FBLN7: variants seen among roughly 807,000 people sequenced by gnomAD.
The protein encoded by FBLN7 is fibulin-7.
A neutral mutation model predicts 44.0 loss-of-function variants in FBLN7; 31 were observed. That is an observed-to-expected ratio of 0.70 (90% CI 0.53 to 0.95). The LOEUF (loss-of-function observed/expected upper bound fraction) is 0.95, where lower values mean the gene tolerates loss of function less well. Among genes scored for constraint, FBLN7 ranks in the 40% least tolerant of loss-of-function variants. The pLI, the probability that FBLN7 is intolerant of heterozygous loss-of-function variation, is 0.00. For synonymous variants in FBLN7, 262 were observed against 253.4 expected (o/e 1.03, Z -0.32); for missense variants, 573 against 618.5 (o/e 0.93, Z 0.78).
chr2:112,166,242 G>C (rs1682151849), intron 3 of FBLN7, among the ~76,000 whole-genome samples: 1 of 152,174 alleles, frequency 6.6e-6, no homozygotes, highest in African/African-American at 2.4e-5. Flanking sequence ...GTAGAAAAGG[G>C]ATTTCACCAT....
Position 112,187,248 on chromosome 2 carries a change from C to T in FBLN7, c.1062C>T (p.Leu354=). 6.2e-7 allele frequency: 1 copy of T among 1,614,238 alleles called. No individual in the cohort carries two copies. Among genetic ancestry groups the T allele is most frequent in the Non-Finnish European group, 8.5e-7 (1 of 1,180,046 alleles). The change falls in exon 8 of 8, where the codon CTC becomes CTT. Residue 354 remains leucine, a synonymous_variant. Transcript: ENST00000331203. The surrounding 1 kb of genome is among the most constrained non-coding windows in gnomAD (Gnocchi z 5.1). ...LPSNLKTPIT[L]FRMATASAPG... ...CCAACCTGAAGACGCCCATCACGCTCTTCCGCATGGCCACAGCCTCTGCCC... is the reference window on the plus strand; with the variant it reads ...CCAACCTGAAGACGCCCATCACGCTTTTCCGCATGGCCACAGCCTCTGCCC...
the FBLN7 span, among the ~76,000 whole-genome samples, chr2:112,222,388 G>T: frequency 6.6e-6 from 1 of 152,124 alleles, no homozygotes; most frequent in Admixed American, 6.6e-5. Flanking sequence ...TACAAGAGGT[G>T]GGGGGAGGGT....
chr2:112,237,436 TTATC>T, the FBLN7 span, among the ~76,000 whole-genome samples: 1 of 152,222 alleles, frequency 6.6e-6, no homozygotes, highest in Non-Finnish European at 1.5e-5. Flanking sequence ...TTTTATTTAT[TTATC>T]TATCCGTGCA....
chr2:112,182,912 C>A lies in FBLN7; in HGVS notation c.792C>A (p.Asp264Glu), dbSNP rs779992593. 6.2e-7 allele frequency: 1 copy of A among 1,612,498 alleles called. No homozygotes were observed. The highest frequency in any genetic ancestry group is 1.3e-5 in the African/African-American group (1 of 74,936). ...CCGGTGGATACCGAACTCTGGCTGA[C>A]GGGAAGAGCTGTGAGGGTGAGTGAG... The part of the protein sequence containing the change: ...TCPGGYRTLA[D>E]GKSCEDVDEC... Residue 264 changes from aspartate (D) to glutamate (E), a missense_variant, in exon 6 of 8, where the codon GAC becomes GAA. Asp to Glu is a conservative substitution (Grantham distance 45, BLOSUM62 2). Transcript: ENST00000331203.
chr2:112,217,823 G>A, the FBLN7 span, among the ~76,000 whole-genome samples: 1 of 152,124 alleles, frequency 6.6e-6, no homozygotes, highest in Admixed American at 6.6e-5. Flanking sequence ...GTTCATTTCT[G>A]AAAAAGTTCC....
intron 1 of FBLN7, among the ~76,000 whole-genome samples, chr2:112,140,907 G>T (rs986434585): frequency 2.0e-5 from 3 of 152,214 alleles, no homozygotes; most frequent in African/African-American, 7.2e-5. Context: ...CTTGCCGTTG[G>T]CATTTGTTCG....
the FBLN7 span, among the ~76,000 whole-genome samples, chr2:112,232,331 A>AT: frequency 6.6e-6 from 1 of 151,842 alleles, no homozygotes; most frequent in East Asian, 1.9e-4. Flanking sequence ...AAAAAAAAAA[A>AT]AAAGACCTTT....
In FBLN7 at chr2:112,160,667, C is replaced by G. The variant is rs62158704; in HGVS notation, c.235+832C>G. On this transcript the variant is annotated intron_variant, in intron 2 of 7. Transcript: ENST00000331203. ...ACACGCGCACGCACACGCGCACGCA[C>G]ACGCACACGCAGACGCACGCACACG... is the stretch of plus-strand genomic sequence containing the variant. Among the ~76,000 whole-genome samples the G allele has an allele frequency of 2.9e-3, 223 of 77,890 alleles. 2 individuals are homozygous for G. The highest frequency in any genetic ancestry group is 0.01 in the African/African-American group (215 of 20,990). 51.1% of individuals were successfully genotyped at this position (77,890 alleles called of 152,430 possible). A position where few individuals can be genotyped will look rare whatever the true frequency, so the allele number is the denominator to read the frequency against.
At chr2:112,160,461 G>C (rs1054578280) in intron 2 of FBLN7, among the ~76,000 whole-genome samples, 1 of 152,172 alleles carries the variant, frequency 6.6e-6, no homozygotes, top group East Asian at 1.9e-4. Flanking sequence ...CCAAACTGTT[G>C]CAAGGCGCCA....
Position 112,185,278 on chromosome 2 carries a change from T to C in FBLN7, c.886T>C (p.Cys296Arg). ...TCINTGGSFQ[C>R]VSPECPEGSG... is the part of the protein sequence containing the mutation. ...CATCAACACCGGTGGAAGCTTCCAG[T>C]GTGTCAGCCCTGAGTGCCCCGAGGG... The change falls in exon 7 of 8, where the codon TGT becomes CGT. Residue 296 changes from cysteine (C) to arginine (R), a missense_variant. Physicochemically the swap from Cys to Arg is radical, Grantham distance 180. Transcript: ENST00000331203. 1.2e-6 allele frequency: 2 copies of C among 1,613,878 alleles called. No individual in the cohort carries two copies. Among genetic ancestry groups the C allele is most frequent in the South Asian group, 2.2e-5 (2 of 91,072 alleles).
the FBLN7 span, among the ~76,000 whole-genome samples, chr2:112,218,501 CACAA>C: frequency 2.3e-4 from 35 of 152,188 alleles, no homozygotes; most frequent in Non-Finnish European, 3.7e-4. Flanking sequence ...TATTTCTACA[CACAA>C]ACAATGAACA....
At chr2:112,173,491 G>A (rs1682576560) in intron 3 of FBLN7, among the ~76,000 whole-genome samples, 1 of 151,904 alleles carries the variant, frequency 6.6e-6, no homozygotes, top group Non-Finnish European at 1.5e-5. Flanking sequence ...TGAGTTGATA[G>A]AACCCAGGAA....
chr2:112,197,742 G>T, the FBLN7 span, among the ~76,000 whole-genome samples: 2 of 152,360 alleles, frequency 1.3e-5, no homozygotes, highest in South Asian at 4.1e-4. Flanking sequence ...GGAGCAAGAT[G>T]ATGACTTTAT....
chr2:112,208,719 G>C, the FBLN7 span, among the ~76,000 whole-genome samples: 1 of 152,078 alleles, frequency 6.6e-6, no homozygotes, highest in Non-Finnish European at 1.5e-5. Flanking sequence ...ATCTTATACA[G>C]TCTGATAGTT....
chr2:112,229,126 C>T, the FBLN7 span, among the ~76,000 whole-genome samples: 1 of 152,062 alleles, frequency 6.6e-6, no homozygotes, highest in Non-Finnish European at 1.5e-5. Flanking sequence ...CAGAAACAGA[C>T]CTTCAGATCT....
At chr2:112,166,302 CG>C (rs1245169688) in intron 3 of FBLN7, among the ~76,000 whole-genome samples, 2 of 152,170 alleles carry the variant, frequency 1.3e-5, no homozygotes, top group African/African-American at 2.4e-5. Flanking sequence ...CTGCCTGCCT[CG>C]GCCTCCCAAA....
In FBLN7 at chr2:112,187,336, T is replaced by A. The variant is rs1384679200; in HGVS notation, c.1150T>A (p.Phe384Ile). 1.2e-6 allele frequency: 2 copies of A among 1,614,128 alleles called. No homozygotes were observed. The highest frequency in any genetic ancestry group is 1.7e-6 in the Non-Finnish European group (2 of 1,180,042). ...CGTGGGTGGGAACAGCCGCGGCCAC[T>A]TTGTGATGCAGCGTTCAGACCGGCA... ...GIVGGNSRGH[F>I]VMQRSDRQTG... is the part of the protein sequence containing the mutation. The change falls in exon 8 of 8, where the codon TTT becomes ATT. Residue 384 changes from phenylalanine to isoleucine, a missense_variant. Coordinates refer to ENST00000331203, the MANE Select transcript of FBLN7 (RefSeq NM_153214.3). This position sits in a 1 kb window ranked among gnomAD's most constrained non-coding sequence, Gnocchi z 5.1.
chr2:112,175,525 G>A (rs1471696771), intron 3 of FBLN7, among the ~76,000 whole-genome samples, 189 bp from the exon 4 acceptor site: 2 of 152,230 alleles, frequency 1.3e-5, no homozygotes, highest in Non-Finnish European at 2.9e-5. Flanking sequence ...CAATAGGGCT[G>A]CATATCAGCC....
chr2:112,201,895 A>T, the FBLN7 span, among the ~76,000 whole-genome samples: 1 of 152,196 alleles, frequency 6.6e-6, no homozygotes, highest in African/African-American at 2.4e-5. Flanking sequence ...GGGCATATGG[A>T]AGGCTGAAAA....
Sources: allele counts gnomAD v4.1 joint callset (sites outside exome capture counted in the v4.1 genomes callset), GRCh38; gene constraint gnomAD v4.1.1; non-coding constraint Gnocchi (gnomAD v3.1); transcripts MANE v1.5; gene names NCBI Gene and HGNC (gene_info 2026-07-23, HGNC 2026-07-21).